CP: variants seen among roughly 807,000 people sequenced by gnomAD.
The protein encoded by CP is ceruloplasmin, also known as caeruloplasmin.
CP carries 64 observed loss-of-function variants against 122.4 expected under a neutral mutation model. That is an observed-to-expected ratio of 0.52 (90% CI 0.43 to 0.64). The LOEUF (loss-of-function observed/expected upper bound fraction) is 0.64. Among genes scored for constraint, CP ranks in the 30% least tolerant of loss-of-function variants. The pLI is 0.00. For synonymous variants in CP, 440 were observed against 436.4 expected (o/e 1.01, Z -0.10); for missense variants, 1,167 against 1,284.4 (o/e 0.91, Z 1.40).
downstream of CP, chr3:149,172,017 T>G: frequency 6.8e-7 from 1 of 1,477,904 alleles, no homozygotes; most frequent in Non-Finnish European, 9.4e-7. Context: ...AACTGGCTTC[T>G]AATTGGTTGG....
chr3:149,179,931 G>T, intron 14 of CP: 1 of 408,360 alleles, frequency 2.4e-6, no homozygotes, highest in Non-Finnish European at 4.5e-6. Flanking sequence ...AAGCTAGGAG[G>T]TGTGTACTTC....
intron 9 of CP, among the ~76,000 whole-genome samples, chr3:149,189,761 T>C (rs1457594206): frequency 6.6e-6 from 1 of 152,180 alleles, no homozygotes; most frequent in South Asian, 2.1e-4. Context: ...ATCACCTGTA[T>C]ACTGATCGAC....
At chr3:149,168,442 T>C (rs1441607088), downstream of CP, 1 of 174,252 alleles carries the variant, frequency 5.7e-6, no homozygotes, top group Admixed American at 5.6e-5. Flanking sequence ...AGTAGTTATT[T>C]GAATTTTCAT....
Position 149,219,448 on chromosome 3 carries a change from A to G in CP, c.146+2199T>C, listed in dbSNP as rs542680146. Among the ~76,000 whole-genome samples the G allele has an allele frequency of 1.2e-4, 19 of 152,238 alleles. 1 individual carries two copies. The highest frequency in any genetic ancestry group is 3.4e-3 in the Middle Eastern group (1 of 294). ...GAATCATGGATGTGGTTTCCCCCATATTGTTCTCATGGTAGTGAATAAGTC... is the reference window on the plus strand; with the variant it reads ...GAATCATGGATGTGGTTTCCCCCATGTTGTTCTCATGGTAGTGAATAAGTC... On this transcript the variant is annotated intron_variant, in intron 1 of 18. Transcript: ENST00000264613.
Position 149,186,608 on chromosome 3 carries a change from G to A in CP, c.1989C>T (p.Asn663=), listed in dbSNP as rs749404494. Residue 663 remains asparagine (N), a synonymous_variant, in exon 11 of 19, where the codon AAC becomes AAT. Transcript: ENST00000264613. Reference sequence around the variant, plus strand: ...TCCGTTCTCCTCTCCACAGATATGTGTTTCCTGAAAAGTATATTCCATGTA... The same window carrying A: ...TCCGTTCTCCTCTCCACAGATATGTATTTCCTGAAAAGTATATTCCATGTA... ...ADVHGIYFSG[N]TYLWRGERRD... The A allele has an allele frequency of 6.2e-7, 1 of 1,614,170 alleles. No homozygotes were observed. The highest frequency in any genetic ancestry group is 1.3e-5 in the African/African-American group (1 of 75,038).
intron 4 of CP, among the ~76,000 whole-genome samples, chr3:149,208,183 C>T (rs1407360147): frequency 6.6e-6 from 1 of 151,878 alleles, no homozygotes; most frequent in Non-Finnish European, 1.5e-5. Context: ...GGGACAGAGC[C>T]ACAAAGACCT....
rs1261601101 is a variant in CP at position 149,207,438 on chromosome 3, G to A, written c.961C>T (p.Leu321=). The A allele has an allele frequency of 1.2e-6, 2 of 1,613,962 alleles. No homozygotes were observed. The highest frequency in any genetic ancestry group is 2.2e-5 in the South Asian group (2 of 91,082). Residue 321 remains leucine (L), a synonymous_variant, in exon 5 of 19, where the codon CTG becomes TTG. Coordinates refer to ENST00000264613, the MANE Select transcript of CP (RefSeq NM_000096.4). ...TGGGCCACCATATAAGCATCAAACA[G>A]GGTAGCAGGAAAGAGGTTGATTGTG... The part of the protein sequence containing the change: ...IDTINLFPAT[L]FDAYMVAQNP...
rs1728197559 is a variant in CP, at chr3:149,212,693, T to C, written c.152A>G (p.His51Arg). ...GCCATTTTGAAGATAGATATTGGAA[T>C]GTTCCCTGCAAAGAAAAACAAGACA... Reference protein sequence around the residue: ...EKKLISVDTEHSNIYLQNGPD... With the variant: ...EKKLISVDTERSNIYLQNGPD... Residue 51 changes from histidine to arginine, a missense_variant, in exon 2 of 19, where the codon CAT (histidine) becomes CGT (arginine). Around this residue, in one of 2 missense-constraint regions of CP, gnomAD observed 642 missense variants for 627.3 expected, o/e 1.02. Transcript: ENST00000264613. The C allele has an allele frequency of 1.2e-6, 2 of 1,613,602 alleles. No individual in the cohort carries two copies. Among genetic ancestry groups the C allele is most frequent in the Non-Finnish European group, 1.7e-6 (2 of 1,179,890 alleles).
chr3:149,206,053 C>G, intron 6 of CP, 115 bp downstream of exon 6: 1 of 899,844 alleles, frequency 1.1e-6, no homozygotes, highest in Non-Finnish European at 1.8e-6. Flanking sequence ...ATTTAGCAGT[C>G]TAGTTACTCA....
exon 6 of CP, chr3:149,162,595 C>A (rs139918830): frequency 1.5e-6 from 2 of 1,296,414 alleles, no homozygotes; most frequent in South Asian, 1.2e-5. Context: ...TTATTGATTG[C>A]GTGGCCCATG....
intron 17 of CP, 75 bp downstream of exon 17, chr3:149,177,765 T>C (rs929259633): frequency 1.3e-6 from 2 of 1,519,190 alleles, no homozygotes; most frequent in African/African-American, 2.7e-5. Flanking sequence ...TAAGTCTCTC[T>C]GAGAAAATAT....
chr3:149,212,777 A>G (rs866746653), intron 1 of CP, 79 bp from the exon 2 acceptor site: 9 of 1,488,926 alleles, frequency 6.0e-6, no homozygotes, highest in Non-Finnish European at 8.2e-6. Context: ...TAATAACATT[A>G]TAATTAGAGA....
chr3:149,178,934 C>T (rs943586586), intron 15 of CP, among the ~76,000 whole-genome samples: 8 of 152,158 alleles, frequency 5.3e-5, no homozygotes, highest in African/African-American at 1.9e-4. Context: ...TTGGTTTGTT[C>T]CATAAACTCA....
intron 1 of CP, 136 bp from the exon 2 acceptor site, chr3:149,212,834 C>T: frequency 9.2e-7 from 1 of 1,088,084 alleles, no homozygotes; most frequent in Admixed American, 2.5e-5. Flanking sequence ...GTAGGGATGC[C>T]TCCAAAATTG....
intron 5 of CP, among the ~76,000 whole-genome samples, chr3:149,164,560 C>T (rs1212314746): frequency 1.3e-5 from 2 of 152,196 alleles, no homozygotes; most frequent in Non-Finnish European, 2.9e-5. Flanking sequence ...TAATGTAGTT[C>T]AGTGGCCCAA....
intron 9 of CP, among the ~76,000 whole-genome samples, chr3:149,190,310 A>G (rs1473342278): frequency 6.6e-6 from 1 of 152,158 alleles, no homozygotes; most frequent in Non-Finnish European, 1.5e-5. Flanking sequence ...CTACTGACTT[A>G]GAAAGAAGTG....
Position 149,179,636 on chromosome 3 carries a change from T to C in CP, c.2581A>G (p.Ile861Val), listed in dbSNP as rs1450174196. 1 of 1,613,444 alleles carries C rather than the reference T, an allele frequency of 6.2e-7. No homozygotes were observed. Among genetic ancestry groups the C allele is most frequent in the East Asian group, 2.2e-5 (1 of 44,802 alleles). Reference protein sequence around the residue: ...PGETLTYVWKIPERSGAGTED... With the variant: ...PGETLTYVWKVPERSGAGTED... ...GTTCCAGCTCCAGATCTTTCTGGGATTTTCCATACGTAAGTGAGAGTTTCA... is the reference window on the plus strand; with the variant it reads ...GTTCCAGCTCCAGATCTTTCTGGGACTTTCCATACGTAAGTGAGAGTTTCA... Residue 861 changes from isoleucine to valine, a missense_variant, in exon 15 of 19, where the codon ATC (isoleucine) becomes GTC (valine). By Grantham distance (29) the Ile-to-Val change is conservative. Transcript: ENST00000264613.
intron 1 of CP, among the ~76,000 whole-genome samples, chr3:149,220,673 A>C (rs1271050686): frequency 6.6e-6 from 1 of 152,154 alleles, no homozygotes; most frequent in Non-Finnish European, 1.5e-5. Flanking sequence ...AATAGTATAT[A>C]CTCATCAATA....
At position 149,197,736 on chromosome 3, in the gene CP, C is replaced by T. The variant is rs950643765; in HGVS notation, c.1713+631G>A. Reference sequence around the variant, plus strand: ...ATCAGGCATAAATTCTGATAAGGAACGTGCAACCTAGACCCCTCACATGCA... The same window carrying T: ...ATCAGGCATAAATTCTGATAAGGAATGTGCAACCTAGACCCCTCACATGCA... On this transcript the variant is annotated intron_variant, in intron 9 of 18. Coordinates refer to ENST00000264613, the MANE Select transcript of CP (RefSeq NM_000096.4). 7.2e-5 allele frequency among the ~76,000 whole-genome samples: 11 copies of T among 152,280 alleles called. No individual in the cohort carries two copies. In the East Asian group the frequency reaches 7.7e-4, roughly 11 times the overall value.
Sources: allele counts gnomAD v4.1 joint callset (sites outside exome capture counted in the v4.1 genomes callset), GRCh38; gene constraint gnomAD v4.1.1; regional missense constraint gnomAD v4.1.1; transcripts MANE v1.5; gene names NCBI Gene and HGNC (gene_info 2026-07-23, HGNC 2026-07-21).